Variants in BMPR1B observed in about 807,000 individuals in gnomAD.
BMPR1B encodes the protein bone morphogenetic protein receptor type 1B.
In BMPR1B, 12 loss-of-function variants were observed where a neutral mutation model predicts 59.1. The observed-to-expected ratio is 0.20, with a 90% CI of 0.13 to 0.33. BMPR1B has a LOEUF of 0.33. Among genes scored for constraint, BMPR1B ranks in the 10% least tolerant of loss-of-function variants. The pLI, the probability that BMPR1B is intolerant of heterozygous loss-of-function variation, is 1.00. For synonymous variants in BMPR1B, 237 were observed against 207.3 expected (o/e 1.14, Z -1.23); for missense variants, 550 against 610.9 (o/e 0.90, Z 1.05).
chr4:94,771,986 A>G (rs993507406), intron 1 of BMPR1B, among the ~76,000 whole-genome samples: 1 of 152,212 alleles, frequency 6.6e-6, no homozygotes, highest in Admixed American at 6.5e-5. Context: ...ACCAGAAAGT[A>G]TGTGCTAAAA....
intron 2 of BMPR1B, among the ~76,000 whole-genome samples, chr4:94,968,371 T>A (rs1450312739): frequency 1.3e-5 from 2 of 152,098 alleles, no homozygotes; most frequent in African/African-American, 4.8e-5. Flanking sequence ...TTTTTTTTAA[T>A]CATGGAGCAA....
At chr4:95,145,212 A>G (rs1225555729) in intron 10 of BMPR1B, among the ~76,000 whole-genome samples, 1 of 152,216 alleles carries the variant, frequency 6.6e-6, no homozygotes. Flanking sequence ...AGAAGTAACG[A>G]GTATCCTATT....
At chr4:94,955,743 C>T (rs1351884296) in intron 2 of BMPR1B, among the ~76,000 whole-genome samples, 1 of 151,318 alleles carries the variant, frequency 6.6e-6, no homozygotes, top group Non-Finnish European at 1.5e-5. Context: ...ATTCTCCTGT[C>T]TTAGCCTCCT....
intron 1 of BMPR1B, among the ~76,000 whole-genome samples, chr4:94,780,798 C>T (rs1285651026): frequency 6.7e-6 from 1 of 149,500 alleles, no homozygotes; most frequent in Non-Finnish European, 1.5e-5. Flanking sequence ...ACGCCATTCT[C>T]CTGCCTCAGC....
chr4:95,157,169 G>C lies in BMPR1B; in HGVS notation c.*2496G>C, dbSNP rs181930964. 6.6e-6 allele frequency: 1 copy of C among 151,946 alleles called. No individual in the cohort carries two copies. Among genetic ancestry groups the C allele is most frequent in the African/African-American group, 2.4e-5 (1 of 41,388 alleles). 9.4% of individuals were successfully genotyped at this position (151,946 alleles called of 1,614,324 possible). On this transcript the variant is annotated 3_prime_UTR_variant, in exon 13 of 13. Transcript: ENST00000515059. ...CTTCCTTATTATATTTGGTTGCTTT[G>C]GAAAAGATTGGTCCTATCCTCAATC... is the stretch of plus-strand genomic sequence containing the variant.
intron 1 of BMPR1B, among the ~76,000 whole-genome samples, chr4:94,873,524 A>G (rs1366451485): frequency 6.6e-6 from 1 of 151,436 alleles, no homozygotes; most frequent in Non-Finnish European, 1.5e-5. Context: ...CCCCTGCCAC[A>G]GCCTCCCAAG....
intron 2 of BMPR1B, among the ~76,000 whole-genome samples, chr4:94,950,612 T>G (rs778625218): frequency 1.3e-4 from 20 of 152,138 alleles, no homozygotes; most frequent in Admixed American, 4.6e-4. Context: ...ATGTGTGGTG[T>G]TGTTTCTGAG....
At chr4:94,975,423 G>A (rs866824462) in intron 2 of BMPR1B, among the ~76,000 whole-genome samples, 22 of 142,072 alleles carry the variant, frequency 1.5e-4, no homozygotes, top group African/African-American at 5.7e-4. Flanking sequence ...AAGTACAGTG[G>A]TGCAGTCACG....
At chr4:94,864,417 G>C (rs1458723102) in intron 1 of BMPR1B, among the ~76,000 whole-genome samples, 1 of 152,168 alleles carries the variant, frequency 6.6e-6, no homozygotes, top group Non-Finnish European at 1.5e-5. Flanking sequence ...GATTCTTTAA[G>C]GAGGGAAAGG....
At chr4:95,026,046 A>C (rs1724331034) in intron 3 of BMPR1B, among the ~76,000 whole-genome samples, 1 of 151,460 alleles carries the variant, frequency 6.6e-6, no homozygotes, top group African/African-American at 2.4e-5. Context: ...TGTACAGTAT[A>C]CTTTTGCTCA....
At position 95,061,160 on chromosome 4, in the gene BMPR1B, AACACACACACACACACAC is replaced by A. The variant is rs58119571; in HGVS notation, c.-17-43215_-17-43198del. On this transcript the variant is annotated intron_variant, in intron 3 of 12. Coordinates refer to ENST00000515059, the MANE Select transcript of BMPR1B (RefSeq NM_001203.3). The stretch of plus-strand genomic sequence containing the variant: ...GGAATTTTTGACTTGATTTAGAATA[AACACACACACACACACAC>A]ACACACACACACACACACACACACA... Among the ~76,000 whole-genome samples, 1,378 of 142,654 alleles carry A rather than the reference AACACACACACACACACAC, an allele frequency of 9.7e-3. 25 individuals are homozygous for A. The highest frequency in any genetic ancestry group is 0.033 in the African/African-American group (1,278 of 38,246). The allele number at this position is 142,654 out of a possible 152,430, so 93.6% of individuals were successfully genotyped here. A position where few individuals can be genotyped will look rare whatever the true frequency, so the allele number is the denominator to read the frequency against.
intron 6 of BMPR1B, among the ~76,000 whole-genome samples, chr4:95,120,646 CTTCCT>C (rs1228088619): frequency 1.4e-5 from 2 of 144,838 alleles, no homozygotes; most frequent in Non-Finnish European, 3.0e-5. Context: ...TCCTTCCTTC[CTTCCT>C]TTCCTTCCTT....
intron 3 of BMPR1B, among the ~76,000 whole-genome samples, chr4:95,085,590 T>C (rs936086887): frequency 6.6e-6 from 1 of 152,180 alleles, no homozygotes; most frequent in Non-Finnish European, 1.5e-5. Flanking sequence ...GCTTTCTCCA[T>C]GCATTGTGGA....
At chr4:94,832,062 T>A (rs1042003304) in intron 1 of BMPR1B, among the ~76,000 whole-genome samples, 20 of 149,514 alleles carry the variant, frequency 1.3e-4, no homozygotes, top group African/African-American at 4.8e-4. Flanking sequence ...AATGTAATAT[T>A]AATAATAATA....
chr4:94,758,846 G>T (rs1721641371), intron 1 of BMPR1B, among the ~76,000 whole-genome samples: 1 of 151,334 alleles, frequency 6.6e-6, no homozygotes, highest in South Asian at 2.1e-4. Context: ...TCTCCCCACC[G>T]CCTGCTCTGG....
chr4:95,115,189 T>C (rs889762582), intron 5 of BMPR1B, among the ~76,000 whole-genome samples: 1 of 152,156 alleles, frequency 6.6e-6, no homozygotes, highest in African/African-American at 2.4e-5. Context: ...TGTGCAAGTG[T>C]ACTCTGTGAT....
chr4:94,905,328 T>C (rs1486700440), intron 2 of BMPR1B, among the ~76,000 whole-genome samples: 1 of 152,104 alleles, frequency 6.6e-6, no homozygotes, highest in Non-Finnish European at 1.5e-5. Context: ...GTAGACCTTA[T>C]TGCCATTTGG....
intron 1 of BMPR1B, among the ~76,000 whole-genome samples, chr4:94,799,916 C>T (rs1560491051): frequency 6.6e-6 from 1 of 151,754 alleles, no homozygotes; most frequent in African/African-American, 2.4e-5. Flanking sequence ...GTCTCAAACT[C>T]ATGGCCTCAA....
intron 3 of BMPR1B, among the ~76,000 whole-genome samples, chr4:95,074,146 A>G (rs962083292): frequency 6.6e-6 from 1 of 151,738 alleles, no homozygotes; most frequent in South Asian, 2.1e-4. Flanking sequence ...TTTACTGAAG[A>G]TACTTGGAAA....
Sources: gnomAD v4.1 joint callset for allele counts (sites outside exome capture counted in the v4.1 genomes callset) on GRCh38, gnomAD v4.1.1 for gene constraint, MANE v1.5 for transcripts, NCBI Gene and HGNC (gene_info 2026-07-23, HGNC 2026-07-21) for gene names.